The following MAP3K13 variants were observed in gnomAD, a reference collection of about 807,000 sequenced individuals.
MAP3K13 encodes the protein mitogen-activated protein kinase kinase kinase 13.
In MAP3K13, 52 loss-of-function variants were observed where a neutral mutation model predicts 104.0. That is an observed-to-expected ratio of 0.50 (90% CI 0.40 to 0.63). MAP3K13 has a LOEUF of 0.63. Ranked by LOEUF, MAP3K13 falls within the 20% of genes least tolerant of loss-of-function variation. MAP3K13 has a pLI of 0.00. For missense variants in MAP3K13, 914 were observed against 1,218.5 expected (o/e 0.75, Z 3.72); for synonymous variants, 394 against 442.2 (o/e 0.89, Z 1.37).
chr3:185,422,238 C>T lies in MAP3K13; in HGVS notation c.-85-6259C>T, dbSNP rs191115386. Among the ~76,000 whole-genome samples, 109 of 152,324 alleles carry T rather than the reference C, an allele frequency of 7.2e-4. 1 individual carries two copies. Among genetic ancestry groups the T allele is most frequent in the Non-Finnish European group, 1.5e-3 (102 of 68,032 alleles). Reference sequence around the variant, plus strand: ...CATGATACCACGGCTATTTGTTTCTCTTCAAATAAACAAACAACCATGCTA... The same window carrying T: ...CATGATACCACGGCTATTTGTTTCTTTTCAAATAAACAAACAACCATGCTA... On this transcript the variant is annotated intron_variant, in intron 1 of 13. Transcript: ENST00000265026.
upstream of MAP3K13, among the ~76,000 whole-genome samples, chr3:185,362,604 T>C (rs1324480081): frequency 6.6e-6 from 1 of 152,206 alleles, no homozygotes; most frequent in African/African-American, 2.4e-5. Context: ...GTTTTCTTAG[T>C]TACTAGATTA....
chr3:185,417,681 A>G (rs1713859805), intron 1 of MAP3K13: 7 of 1,612,524 alleles, frequency 4.3e-6, no homozygotes, highest in Non-Finnish European at 5.9e-6. Context: ...CCGCCTTTTC[A>G]TCTGATTTGG....
At chr3:185,359,074 T>C (rs1452107896), upstream of MAP3K13, among the ~76,000 whole-genome samples, 1 of 152,162 alleles carries the variant, frequency 6.6e-6, no homozygotes, top group Non-Finnish European at 1.5e-5. Context: ...AAAACGTACC[T>C]GAGACTGGGC....
intron 2 of MAP3K13, among the ~76,000 whole-genome samples, chr3:185,357,478 A>G (rs1299910390): frequency 1.3e-5 from 2 of 151,696 alleles, no homozygotes; most frequent in East Asian, 3.8e-4. Context: ...GAAAAAAAGA[A>G]AAAGAAAGAA....
intron 1 of MAP3K13, among the ~76,000 whole-genome samples, chr3:185,396,146 A>G (rs9755013): frequency 0.96 from 146,542 of 152,050 alleles, 70,653 homozygotes; most frequent in East Asian, 1. Context: ...TGAGGCGGGT[A>G]GATCACTTGA....
chr3:185,341,623 C>A (rs1462384504), intron 2 of MAP3K13, among the ~76,000 whole-genome samples: 1 of 152,114 alleles, frequency 6.6e-6, no homozygotes, highest in Admixed American at 6.5e-5. Context: ...TTATTCCTCC[C>A]TTTAAGAGGT....
At chr3:185,309,631 T>C (rs528090254) in intron 2 of MAP3K13, among the ~76,000 whole-genome samples, 1 of 152,284 alleles carries the variant, frequency 6.6e-6, no homozygotes, top group South Asian at 2.1e-4. Context: ...TTATCAGCTA[T>C]TCTCTCATAT....
At chr3:185,307,554 C>G (rs1410784624) in intron 2 of MAP3K13, among the ~76,000 whole-genome samples, 7 of 138,612 alleles carry the variant, frequency 5.1e-5, no homozygotes, top group Non-Finnish European at 1.5e-5. Context: ...CCCTCCCCCG[C>G]CACCCCGAGA....
At chr3:185,358,938 G>C (rs7645824), upstream of MAP3K13, among the ~76,000 whole-genome samples, 36,506 of 152,060 alleles carry the variant, frequency 0.24, 4,522 homozygotes, top group Admixed American at 0.29. Flanking sequence ...GAACCCCAAA[G>C]ATATTCCCCA....
intron 2 of MAP3K13, among the ~76,000 whole-genome samples, chr3:185,325,391 T>A (rs1722011539): frequency 6.6e-6 from 1 of 152,160 alleles, no homozygotes; most frequent in Non-Finnish European, 1.5e-5. Context: ...AAGCCTCCTT[T>A]TCCAAATACA....
chr3:185,364,032 T>C (rs1723761519), intron 1 of MAP3K13, among the ~76,000 whole-genome samples: 1 of 152,210 alleles, frequency 6.6e-6, no homozygotes, highest in African/African-American at 2.4e-5. Flanking sequence ...ATCCTTAAAC[T>C]TGGGTTTTTC....
Position 185,485,955 on chromosome 3 carries a change from A to G in MAP3K13, c.*3499A>G, listed in dbSNP as rs1021688745. 2 of 152,208 alleles carry G rather than the reference A, an allele frequency of 1.3e-5. No individual in the cohort carries two copies. The highest frequency in any genetic ancestry group is 2.1e-4 in the South Asian group (1 of 4,824). 9.4% of individuals were successfully genotyped at this position (152,208 alleles called of 1,614,324 possible). A position where few individuals can be genotyped will look rare whatever the true frequency, so the allele number is the denominator to read the frequency against. ...ACTGGAAAAAAATTCTTGAAAGGCTATATTTTCCATCCTCTTGACTTCAGA... is the reference window on the plus strand; with the variant it reads ...ACTGGAAAAAAATTCTTGAAAGGCTGTATTTTCCATCCTCTTGACTTCAGA... On this transcript the variant is annotated 3_prime_UTR_variant, in exon 14 of 14. Coordinates refer to ENST00000265026, the MANE Select transcript of MAP3K13 (RefSeq NM_004721.5).
intron 7 of MAP3K13, 92 bp downstream of exon 7, chr3:185,451,487 T>C (rs767250590): frequency 2.6e-6 from 2 of 776,266 alleles, no homozygotes; most frequent in Admixed American, 4.0e-5. Context: ...ATTGTGTTTG[T>C]TATAATAGTT....
rs550528587 is a variant in MAP3K13 at position 185,357,111 on chromosome 3, C to T, written c.-85-71386C>T. Reference sequence around the variant, plus strand: ...GAGAGTTAAGAAGTTTTTTTTTTTTCTCTCTCTCTCTCTCTTTTTACATGA... The same window carrying T: ...GAGAGTTAAGAAGTTTTTTTTTTTTTTCTCTCTCTCTCTCTTTTTACATGA... On this transcript the variant is annotated intron_variant, in intron 2 of 14. Coordinates refer to the MAP3K13 transcript ENST00000424227. 6.4e-3 allele frequency among the ~76,000 whole-genome samples: 922 copies of T among 143,084 alleles called. 16 individuals are homozygous for T. Among genetic ancestry groups the T allele is most frequent in the African/African-American group, 0.022 (831 of 38,140 alleles). 93.9% of individuals were successfully genotyped at this position (143,084 alleles called of 152,430 possible). A position where few individuals can be genotyped will look rare whatever the true frequency, so the allele number is the denominator to read the frequency against.
rs185989361 is a variant in MAP3K13, at chr3:185,481,811, G to A, written c.2800-544G>A. ...ATTAATAAAGTACTTACCACCGGGCGCAGTGGCTCATGCCTGTAATCCCAG... is the reference window on the plus strand; with the variant it reads ...ATTAATAAAGTACTTACCACCGGGCACAGTGGCTCATGCCTGTAATCCCAG... On this transcript the variant is annotated intron_variant, in intron 13 of 13. Transcript: ENST00000265026. 2.0e-3 allele frequency among the ~76,000 whole-genome samples: 312 copies of A among 152,294 alleles called. 1 individual carries two copies. The highest frequency in any genetic ancestry group is 6.4e-3 in the East Asian group (33 of 5,180).
chr3:185,332,366 G>A (rs1328199317), intron 2 of MAP3K13, among the ~76,000 whole-genome samples: 8 of 152,138 alleles, frequency 5.3e-5, no homozygotes, highest in Non-Finnish European at 1.0e-4. Flanking sequence ...TAAAATTTGT[G>A]TTGAAGTTTT....
chr3:185,454,451 TGA>T (rs1305655553), intron 7 of MAP3K13, among the ~76,000 whole-genome samples: 1 of 54,424 alleles, frequency 1.8e-5, no homozygotes, highest in African/African-American at 5.6e-5. Context: ...GATATATATA[TGA>T]GATATATATG....
chr3:185,381,564 A>G (rs9866735), intron 1 of MAP3K13, among the ~76,000 whole-genome samples: 52,353 of 151,956 alleles, frequency 0.34, 9,191 homozygotes, highest in East Asian at 0.41. Context: ...TAGCTCTCCT[A>G]TTGTAAACAA....
chr3:185,466,573 C>G (rs544321798), intron 9 of MAP3K13, among the ~76,000 whole-genome samples: 2 of 152,070 alleles, frequency 1.3e-5, no homozygotes, highest in Admixed American at 1.3e-4. Context: ...AATGGGATTT[C>G]ACTATGTTGC....
Sources: gnomAD v4.1 joint callset for allele counts (sites outside exome capture counted in the v4.1 genomes callset) on GRCh38, gnomAD v4.1.1 for gene constraint, MANE v1.5 for transcripts, NCBI Gene and HGNC (gene_info 2026-07-23, HGNC 2026-07-21) for gene names.